The following GNAI1 variants were observed in gnomAD, a reference collection of about 807,000 sequenced individuals.
GNAI1 encodes the protein G protein subunit alpha i1.
In GNAI1, 11 loss-of-function variants were observed where a neutral mutation model predicts 38.9. The observed-to-expected ratio is 0.28, with a 90% CI of 0.18 to 0.47. The LOEUF is 0.47. Ranked by LOEUF, GNAI1 falls within the 20% of genes least tolerant of loss-of-function variation. The pLI, the probability that GNAI1 is intolerant of heterozygous loss-of-function variation, is 0.99. For missense variants in GNAI1, 317 were observed against 436.9 expected, an observed-to-expected ratio of 0.73 and a Z score of 2.45; for synonymous variants, 166 against 145.1, an observed-to-expected ratio of 1.14 and a Z score of -1.04.
intron 3 of GNAI1, among the ~76,000 whole-genome samples, chr7:80,196,564 A>G (rs993006786): frequency 6.6e-6 from 1 of 151,990 alleles, no homozygotes; most frequent in Non-Finnish European, 1.5e-5. Context: ...CCTATTTTAG[A>G]TAATGAATCA....
At chr7:80,160,874 AT>A (rs1263209077) in intron 1 of GNAI1, among the ~76,000 whole-genome samples, 3 of 151,890 alleles carry the variant, frequency 2.0e-5, no homozygotes, top group Non-Finnish European at 4.4e-5. Context: ...AGAAAAAAAA[AT>A]GTCCTGGTAA....
At chr7:80,140,463 C>T (rs867189833) in intron 1 of GNAI1, among the ~76,000 whole-genome samples, 7 of 152,194 alleles carry the variant, frequency 4.6e-5, no homozygotes, top group African/African-American at 4.8e-5. Flanking sequence ...ACATGTCTAA[C>T]TGCCTTGGAA....
intron 3 of GNAI1, among the ~76,000 whole-genome samples, chr7:80,190,554 G>A (rs1788463669): frequency 6.6e-6 from 1 of 152,080 alleles, no homozygotes; most frequent in Middle Eastern, 3.5e-3. Flanking sequence ...AATTATTATT[G>A]AAAATAATGT....
Position 80,159,837 on chromosome 7 carries a change from A to T in GNAI1, c.118+24559A>T, listed in dbSNP as rs1787888029. ...TGGCACATTTCTAGATTTCTGGGGA[A>T]CTCAATCTCCTTATCTGTGAAATTG... is the stretch of plus-strand genomic sequence containing the variant. On this transcript the variant is annotated intron_variant, in intron 1 of 7. Transcript: ENST00000649796. Among the ~76,000 whole-genome samples, 3 of 152,116 alleles carry T rather than the reference A, an allele frequency of 2.0e-5. No individual in the cohort carries two copies. In the South Asian group the frequency reaches 6.2e-4, roughly 32 times the overall value.
Position 80,222,769 on chromosome 7 carries a change from G to A in GNAI1, c.*5276G>A, listed in dbSNP as rs1047051686. 6.6e-6 allele frequency among the ~76,000 whole-genome samples: 1 copy of A among 152,142 alleles called. No homozygotes were observed. Among genetic ancestry groups the A allele is most frequent in the African/African-American group, 2.4e-5 (1 of 41,430 alleles). On this transcript the variant is annotated 3_prime_UTR_variant, in exon 8 of 8. Coordinates refer to ENST00000649796, the MANE Select transcript of GNAI1 (RefSeq NM_002069.6). The stretch of plus-strand genomic sequence containing the variant: ...AGACAGAGACTATTTTAGCAGATAA[G>A]AGTGCCACTTTTAGTAAAAGAAGTT...
intron 1 of GNAI1, among the ~76,000 whole-genome samples, chr7:80,177,681 G>A (rs73378669): frequency 2.9e-3 from 442 of 152,242 alleles, no homozygotes; most frequent in African/African-American, 0.01. Flanking sequence ...GTCTTGTAAT[G>A]TTGTCCAGAT....
chr7:80,200,505 A>G (rs1278125442), intron 4 of GNAI1, among the ~76,000 whole-genome samples: 1 of 152,012 alleles, frequency 6.6e-6, no homozygotes, highest in Non-Finnish European at 1.5e-5. Flanking sequence ...GGATTGTTCC[A>G]TTTTCTTGAC....
chr7:80,190,380 A>G (rs954604770), intron 3 of GNAI1, among the ~76,000 whole-genome samples: 2 of 152,046 alleles, frequency 1.3e-5, no homozygotes, highest in African/African-American at 2.4e-5. Flanking sequence ...ATCATTTTAA[A>G]TAATTTATAC....
intron 5 of GNAI1, among the ~76,000 whole-genome samples, chr7:80,210,676 A>AGT (rs1246560126): frequency 6.7e-6 from 1 of 148,512 alleles, no homozygotes; most frequent in Non-Finnish European, 1.5e-5. Flanking sequence ...TAATGTTCTA[A>AGT]GTGTTCTCAT....
Position 80,221,364 on chromosome 7 carries a change from A to G in GNAI1, c.*3871A>G, listed in dbSNP as rs1318197262. Among the ~76,000 whole-genome samples the G allele has an allele frequency of 6.6e-6, 1 of 152,200 alleles. No individual in the cohort carries two copies. Among genetic ancestry groups the G allele is most frequent in the Non-Finnish European group, 1.5e-5 (1 of 68,050 alleles). ...GTGGAATGTATAAGCCGTCAATACA[A>G]TTTGCTGTTATTTGATTATAAATAA... On this transcript the variant is annotated 3_prime_UTR_variant, in exon 8 of 8. Transcript: ENST00000649796.
At chr7:80,148,483 A>G (rs1406657778) in intron 1 of GNAI1, among the ~76,000 whole-genome samples, 2 of 152,004 alleles carry the variant, frequency 1.3e-5, no homozygotes, top group Admixed American at 6.6e-5. Flanking sequence ...GTATTTGGGT[A>G]TATGTCGACG....
intron 1 of GNAI1, among the ~76,000 whole-genome samples, chr7:80,174,904 A>G (rs1788155563): frequency 6.6e-6 from 1 of 152,334 alleles, no homozygotes; most frequent in African/African-American, 2.4e-5. Context: ...AGAAAAAGCT[A>G]AAGAAGCAAA....
intron 1 of GNAI1, among the ~76,000 whole-genome samples, chr7:80,180,235 T>C (rs577007349): frequency 8.0e-4 from 122 of 152,304 alleles, no homozygotes; most frequent in Non-Finnish European, 7.2e-4. Context: ...ATTATTTTCA[T>C]AAATGTGTAT....
chr7:80,206,793 A>G (rs1196852119), intron 5 of GNAI1, among the ~76,000 whole-genome samples: 1 of 152,062 alleles, frequency 6.6e-6, no homozygotes, highest in African/African-American at 2.4e-5. Context: ...CTTCGTAGGC[A>G]TACATATCTA....
At chr7:80,139,580 T>A (rs1245520854) in intron 1 of GNAI1, among the ~76,000 whole-genome samples, 1 of 152,236 alleles carries the variant, frequency 6.6e-6, no homozygotes, top group Middle Eastern at 3.2e-3. Context: ...TAACAACCCT[T>A]CTATTTTATT....
At chr7:80,217,227 T>G in intron 7 of GNAI1, 76 bp from the exon 8 acceptor site, 9 of 966,632 alleles carry the variant, frequency 9.3e-6, no homozygotes, top group South Asian at 1.8e-5. Flanking sequence ...GTTTCATATG[T>G]ATGAAACTGA....
rs375148376 is a variant in GNAI1, at chr7:80,136,278, T to C, written c.118+1000T>C. On this transcript the variant is annotated intron_variant, in intron 1 of 7. Coordinates refer to ENST00000649796, the MANE Select transcript of GNAI1 (RefSeq NM_002069.6). The stretch of plus-strand genomic sequence containing the variant: ...ATGTTTTCTTCTCACACTCTAGGTA[T>C]TTAGATAGATGAAAAATTTCTCAGA... Among the ~76,000 whole-genome samples, 6 of 152,308 alleles carry C rather than the reference T, an allele frequency of 3.9e-5. No homozygotes were observed. The East Asian group carries it at 5.8e-4, about 15-fold the overall frequency.
intron 1 of GNAI1, among the ~76,000 whole-genome samples, chr7:80,139,879 T>C (rs1257368932): frequency 6.6e-6 from 1 of 151,082 alleles, no homozygotes; most frequent in Non-Finnish European, 1.5e-5. Flanking sequence ...GAGGATCTGC[T>C]ATGTTGCAAT....
chr7:80,138,129 A>T (rs1023258579), intron 1 of GNAI1, among the ~76,000 whole-genome samples: 4 of 152,148 alleles, frequency 2.6e-5, no homozygotes, highest in Non-Finnish European at 4.4e-5. Flanking sequence ...TGTTTTTCTC[A>T]TCACATGATG....
Sources: allele counts gnomAD v4.1 joint callset (sites outside exome capture counted in the v4.1 genomes callset), GRCh38; gene constraint gnomAD v4.1.1; transcripts MANE v1.5; gene names NCBI Gene and HGNC (gene_info 2026-07-23, HGNC 2026-07-21).